LRRC39: variants seen among roughly 807,000 people sequenced by gnomAD.
The protein encoded by LRRC39 is leucine-rich repeat-containing protein 39.
In LRRC39, 35 loss-of-function variants were observed where a neutral mutation model predicts 39.7. That is an observed-to-expected ratio of 0.88 (90% CI 0.67 to 1.17). The LOEUF is 1.17. Ranked by LOEUF, LRRC39 falls within the 50% of genes most tolerant of loss-of-function variation. The pLI, the probability that LRRC39 is intolerant of heterozygous loss-of-function variation, is 0.00. For synonymous variants in LRRC39, 113 were observed against 134.1 expected, an observed-to-expected ratio of 0.84 and a Z score of 1.09; for missense variants, 357 against 385.8, an observed-to-expected ratio of 0.93 and a Z score of 0.62.
At chr1:100,179,025 A>C (rs2101805663), upstream of LRRC39, among the ~76,000 whole-genome samples, 1 of 152,352 alleles carries the variant, frequency 6.6e-6, no homozygotes, top group South Asian at 2.1e-4. Flanking sequence ...CATACTATAT[A>C]CATTGTTCTA....
At position 100,159,248 on chromosome 1, in the gene LRRC39, A is replaced by G. The variant is rs1658694307; in HGVS notation, c.376+11T>C. Reference sequence around the variant, plus strand: ...ATAAAATAGCACAGGAATAAAAGTAATCTTTCTTACCAATCCCTGGTGGTA... The same window carrying G: ...ATAAAATAGCACAGGAATAAAAGTAGTCTTTCTTACCAATCCCTGGTGGTA... On this transcript the variant is annotated intron_variant, in intron 5 of 9. Transcript: ENST00000370137. The G allele has an allele frequency of 6.3e-7, 1 of 1,579,602 alleles. No individual in the cohort carries two copies.
chr1:100,168,685 A>T, intron 2 of LRRC39, 91 bp from the exon 3 acceptor site: 1 of 539,232 alleles, frequency 1.9e-6, no homozygotes. Flanking sequence ...AACACATTCC[A>T]TGCTCCAAAA....
rs751633794 is a variant in LRRC39 at position 100,158,370 on chromosome 1, A to G, written c.377-3T>C. Reference sequence around the variant, plus strand: ...TTCCTGAAGTCTAGTAAGCAGTCCTATAAAAAATAATATACAATAGAGAGG... The same window carrying G: ...TTCCTGAAGTCTAGTAAGCAGTCCTGTAAAAAATAATATACAATAGAGAGG... On this transcript the variant is annotated splice_region_variant and splice_polypyrimidine_tract_variant and intron_variant, in intron 5 of 9. Coordinates refer to ENST00000370137, the MANE Select transcript of LRRC39 (RefSeq NM_144620.4). 4.4e-6 allele frequency: 7 copies of G among 1,608,374 alleles called. No individual in the cohort carries two copies. In the South Asian group the frequency reaches 6.6e-5, roughly 15 times the overall value.
intron 9 of LRRC39, among the ~76,000 whole-genome samples, chr1:100,150,992 C>T (rs772831453): frequency 3.3e-5 from 5 of 151,772 alleles, no homozygotes; most frequent in South Asian, 2.1e-4. Flanking sequence ...TGGGGCGTGG[C>T]GTGGTGGTGC....
intron 7 of LRRC39, among the ~76,000 whole-genome samples, chr1:100,155,815 A>T (rs113415030): frequency 9.1e-4 from 139 of 152,292 alleles, no homozygotes; most frequent in African/African-American, 3.2e-3. Context: ...TTCTTCATCC[A>T]CTTGTAAAGT....
chr1:100,169,397 T>C (rs1057153158), intron 2 of LRRC39, among the ~76,000 whole-genome samples: 17 of 152,182 alleles, frequency 1.1e-4, no homozygotes, highest in African/African-American at 4.1e-4. Flanking sequence ...ACAGACACTT[T>C]CCTTCATCAA....
intron 7 of LRRC39, 83 bp from the exon 8 acceptor site, chr1:100,155,286 T>C: frequency 1.6e-6 from 2 of 1,239,354 alleles, no homozygotes; most frequent in East Asian, 2.7e-5. Flanking sequence ...TTTTAAGAGG[T>C]AGGGGTCTTA....
At chr1:100,151,274 AT>A (rs1657988079) in intron 9 of LRRC39, among the ~76,000 whole-genome samples, 1 of 152,064 alleles carries the variant, frequency 6.6e-6, no homozygotes, top group Non-Finnish European at 1.5e-5. Flanking sequence ...AACCAAAAAC[AT>A]TCATTGTAAA....
rs1213848707 is a variant in LRRC39, at chr1:100,149,016, T to C, written c.*26A>G. 6.5e-7 allele frequency: 1 copy of C among 1,530,920 alleles called. No homozygotes were observed. The highest frequency in any genetic ancestry group is 1.3e-5 in the South Asian group (1 of 75,670). 94.8% of individuals were successfully genotyped at this position (1,530,920 alleles called of 1,614,324 possible). ...ATTAGAGAATTCACCAAAGTAATCCTCTTTAGAAGGGCATCTTGAATTATA... is the reference window on the plus strand; with the variant it reads ...ATTAGAGAATTCACCAAAGTAATCCCCTTTAGAAGGGCATCTTGAATTATA... On this transcript the variant is annotated 3_prime_UTR_variant, in exon 10 of 10. Coordinates refer to ENST00000370137, the MANE Select transcript of LRRC39 (RefSeq NM_144620.4).
At position 100,168,602 on chromosome 1, in the gene LRRC39, T is replaced by A; in HGVS notation, c.-78-8A>T. ...TACCATTTCAGAAAGGACCTAAATG[T>A]ACCAGAGAAAAAAAGCAATGTTTCA... is the stretch of plus-strand genomic sequence containing the variant. On this transcript the variant is annotated splice_polypyrimidine_tract_variant and splice_region_variant and intron_variant, in intron 2 of 9. Coordinates refer to ENST00000370137, the MANE Select transcript of LRRC39 (RefSeq NM_144620.4). 2 of 985,954 alleles carry A rather than the reference T, an allele frequency of 2.0e-6. No homozygotes were observed. The highest frequency in any genetic ancestry group is 1.6e-5 in the African/African-American group (1 of 60,802). 61.1% of individuals were successfully genotyped at this position (985,954 alleles called of 1,614,324 possible).
upstream of LRRC39, among the ~76,000 whole-genome samples, chr1:100,178,876 C>T (rs986167533): frequency 2.0e-5 from 3 of 152,138 alleles, no homozygotes; most frequent in South Asian, 6.2e-4. Flanking sequence ...TCTTCAAGTT[C>T]TCTTCTCTGA....
intron 1 of LRRC39, 90 bp from the exon 2 acceptor site, chr1:100,173,460 C>G (rs1659763096): frequency 6.6e-6 from 1 of 152,210 alleles, no homozygotes; most frequent in South Asian, 2.1e-4. Context: ...TTAACATACT[C>G]TAAGTAGAAG....
At chr1:100,151,801 G>A (rs1222418367) in intron 9 of LRRC39, among the ~76,000 whole-genome samples, 1 of 152,094 alleles carries the variant, frequency 6.6e-6, no homozygotes, top group Non-Finnish European at 1.5e-5. Flanking sequence ...TCAGCCAGAC[G>A]TGGTGGCATG....
intron 2 of LRRC39, among the ~76,000 whole-genome samples, chr1:100,172,262 A>G (rs1051559967): frequency 3.9e-5 from 6 of 152,218 alleles, no homozygotes; most frequent in African/African-American, 1.4e-4. Context: ...TGAGATTAGC[A>G]TATGCTTGAT....
intron 1 of LRRC39, among the ~76,000 whole-genome samples, chr1:100,174,541 T>C (rs1207313116): frequency 6.6e-6 from 1 of 151,898 alleles, no homozygotes; most frequent in African/African-American, 2.4e-5. Context: ...TCAAGTGATC[T>C]GCCTGCCTTG....
intron 1 of LRRC39, among the ~76,000 whole-genome samples, chr1:100,174,300 A>C (rs958692627): frequency 6.6e-6 from 1 of 151,816 alleles, no homozygotes; most frequent in Non-Finnish European, 1.5e-5. Flanking sequence ...ACATTGTGGA[A>C]ATTTTTTTTT....
intron 9 of LRRC39, 32 bp from the exon 10 acceptor site, chr1:100,149,129 T>C (rs1657684263): frequency 1.3e-6 from 2 of 1,577,682 alleles, no homozygotes; most frequent in Non-Finnish European, 8.6e-7. Context: ...AACACATAAT[T>C]AGCGTATTTC....
At chr1:100,160,717 C>T (rs1442466395) in intron 3 of LRRC39, 146 bp from the exon 4 acceptor site, 2 of 527,004 alleles carry the variant, frequency 3.8e-6, no homozygotes, top group Non-Finnish European at 6.5e-6. Flanking sequence ...CTCTGCCTTC[C>T]AGTTTCAAGT....
chr1:100,149,568 A>C, intron 9 of LRRC39: 460 of 773,220 alleles, frequency 5.9e-4, no homozygotes, highest in Non-Finnish European at 7.5e-4. Context: ...TAGCTATCTC[A>C]TATCTTTTAT....
Sources: allele counts gnomAD v4.1 joint callset (sites outside exome capture counted in the v4.1 genomes callset), GRCh38; gene constraint gnomAD v4.1.1; transcripts MANE v1.5; gene names NCBI Gene and HGNC (gene_info 2026-07-23, HGNC 2026-07-21).